The following MACF1 variants were observed in gnomAD, a reference collection of about 807,000 sequenced individuals.
MACF1 encodes the protein microtubule actin crosslinking factor 1.
A neutral mutation model predicts 854.8 loss-of-function variants in MACF1; 193 were observed. That is an observed-to-expected ratio of 0.23 (90% CI 0.20 to 0.25). MACF1 has a LOEUF of 0.25. Ranked by LOEUF, MACF1 falls within the 10% of genes least tolerant of loss-of-function variation. The pLI, the probability that MACF1 is intolerant of heterozygous loss-of-function variation, is 1.00. For missense variants in MACF1, 7,722 were observed against 8,929.1 expected (o/e 0.86, Z 5.45); for synonymous variants, 3,185 against 3,226.7 (o/e 0.99, Z 0.44).
intron 6 of MACF1, among the ~76,000 whole-genome samples, chr1:39,279,122 G>T (rs1645494627): frequency 6.6e-6 from 1 of 152,110 alleles, no homozygotes; most frequent in South Asian, 2.1e-4. Flanking sequence ...TGTAGGATGG[G>T]CTTATTAGCT....
chr1:39,422,083 A>C (rs191634306), intron 58 of MACF1, among the ~76,000 whole-genome samples: 3 of 152,150 alleles, frequency 2.0e-5, no homozygotes, highest in African/African-American at 7.2e-5. Context: ...TCCAAAAAAA[A>C]CAAAAAAAAA....
At chr1:39,129,280 G>C (rs1642936644) in intron 2 of MACF1, among the ~76,000 whole-genome samples, 1 of 152,174 alleles carries the variant, frequency 6.6e-6, no homozygotes, top group Non-Finnish European at 1.5e-5. Flanking sequence ...AAAAGAGATA[G>C]TAAGTGTAGG....
intron 2 of MACF1, among the ~76,000 whole-genome samples, chr1:39,099,756 A>G (rs985314534): frequency 1.3e-5 from 2 of 152,112 alleles, no homozygotes; most frequent in South Asian, 2.1e-4. Flanking sequence ...AACATCTACT[A>G]TGTGCAAAGT....
In MACF1 at chr1:39,433,136, A is replaced by ACTC. The variant is rs1394334698; in HGVS notation, c.17546_17547insCTC (p.Glu5849delinsAspSer). 6.2e-7 allele frequency: 1 copy of ACTC among 1,604,310 alleles called. No homozygotes were observed. Among genetic ancestry groups the ACTC allele is most frequent in the African/African-American group, 1.3e-5 (1 of 74,654 alleles). ...GAAATCTTTGGCACATGTGGGGAGG[A>ACTC]GCAAAAAACTGTATTACAGGTGAAT... On this transcript the variant is annotated protein_altering_variant, in exon 68 of 101. Transcript: ENST00000564288.
rs538610426 is a variant in MACF1 at position 39,240,561 on chromosome 1, C to T, written c.171+9318C>T. Among the ~76,000 whole-genome samples the T allele has an allele frequency of 2.0e-5, 3 of 152,288 alleles. No homozygotes were observed. The East Asian group carries it at 5.8e-4, about 29-fold the overall frequency. On this transcript the variant is annotated intron_variant, in intron 2 of 100. Coordinates refer to ENST00000564288, the MANE Select transcript of MACF1 (RefSeq NM_001394062.1). The stretch of plus-strand genomic sequence containing the variant: ...TTGCCCAGGCTGGCATGCAATGGTG[C>T]GATCTTGGCTCACTGCAGCCTCCGC...
intron 99 of MACF1, among the ~76,000 whole-genome samples, chr1:39,483,084 C>T (rs1645042935): frequency 1.6e-5 from 1 of 64,478 alleles, no homozygotes; most frequent in Non-Finnish European, 2.5e-5. Flanking sequence ...AAGACTCTGT[C>T]TCAAAAAAAA....
chr1:39,349,143 A>G (rs1378245805), intron 41 of MACF1, among the ~76,000 whole-genome samples: 8 of 152,158 alleles, frequency 5.3e-5, no homozygotes, highest in Admixed American at 5.2e-4. Context: ...TATTATCATC[A>G]CCATTATCAT....
intron 26 of MACF1, among the ~76,000 whole-genome samples, chr1:39,312,227 A>G (rs181855345): frequency 5.5e-4 from 84 of 152,328 alleles, no homozygotes; most frequent in African/African-American, 1.9e-3. Flanking sequence ...CTCAAGATAC[A>G]TATATACATA....
At chr1:39,477,609 G>A (rs891942880) in intron 97 of MACF1, among the ~76,000 whole-genome samples, 3 of 152,016 alleles carry the variant, frequency 2.0e-5, no homozygotes, top group Non-Finnish European at 4.4e-5. Context: ...GGATGGAAGC[G>A]TGAGTGGTCT....
chr1:39,336,351 A>G lies in MACF1; in HGVS notation c.9763A>G (p.Ile3255Val), dbSNP rs1313187211. 6.2e-7 allele frequency: 1 copy of G among 1,614,232 alleles called. No individual in the cohort carries two copies. The change falls in exon 37 of 101, where the codon ATT (isoleucine) becomes GTT (valine). Residue 3255 changes from isoleucine to valine, a missense_variant. Ile to Val is a conservative substitution (Grantham distance 29). Coordinates refer to ENST00000564288, the MANE Select transcript of MACF1 (RefSeq NM_001394062.1). ...TGTTGCAGGTCTAGAAGCAGGATCC[A>G]TTGAGGACATAGTGACTCAGAGAGG... ...PNVAGLEAGS[I>V]EDIVTQRGSR...
chr1:39,303,424 G>A (rs971913511), intron 23 of MACF1, among the ~76,000 whole-genome samples: 2 of 152,032 alleles, frequency 1.3e-5, no homozygotes, highest in Admixed American at 6.6e-5. Flanking sequence ...GGTGGTGCAC[G>A]CCTGTAGTCC....
At chr1:39,379,597 C>G (rs72661964) in intron 54 of MACF1, among the ~76,000 whole-genome samples, 153 bp downstream of exon 54, 1 of 152,132 alleles carries the variant, frequency 6.6e-6, no homozygotes, top group African/African-American at 2.4e-5. Context: ...GATTAATATG[C>G]CTTAACTCTC....
At chr1:39,233,019 GT>G (rs1314973581) in intron 2 of MACF1, among the ~76,000 whole-genome samples, 1 of 101,316 alleles carries the variant, frequency 9.9e-6, no homozygotes, top group Admixed American at 1.1e-4. Context: ...TGTTGTTGTT[GT>G]TGTTGTTGTT....
At chr1:39,434,740 T>A in intron 69 of MACF1, 108 bp downstream of exon 69, 1 of 869,388 alleles carries the variant, frequency 1.2e-6, no homozygotes, top group Non-Finnish European at 1.8e-6. Context: ...GTTACGAAGT[T>A]AATTCTTAAT....
intron 2 of MACF1, among the ~76,000 whole-genome samples, chr1:39,107,010 C>T (rs1642261305): frequency 1.3e-5 from 2 of 152,116 alleles, no homozygotes; most frequent in Admixed American, 1.3e-4. Flanking sequence ...TGGTTCATTT[C>T]AGAGCACAAA....
intron 58 of MACF1, chr1:39,410,560 T>A (rs763612214): frequency 2.5e-6 from 4 of 1,613,964 alleles, no homozygotes; most frequent in Non-Finnish European, 3.4e-6. Context: ...GAGGATAATA[T>A]TTGATGCACT....
At position 39,225,248 on chromosome 1, in the gene MACF1, C is replaced by T. The variant is rs1427303027; in HGVS notation, c.110-5934C>T. Among the ~76,000 whole-genome samples the T allele has an allele frequency of 2.5e-3, 333 of 133,992 alleles. 4 individuals are homozygous for T. Among genetic ancestry groups the T allele is most frequent in the African/African-American group, 8.9e-3 (316 of 35,492 alleles). 87.9% of individuals were successfully genotyped at this position (133,992 alleles called of 152,430 possible). A position where few individuals can be genotyped will look rare whatever the true frequency, so the allele number is the denominator to read the frequency against. Reference sequence around the variant, plus strand: ...TTTTTGAGACGGAGTCTCGCTCTGTCGCCCAGGCCGGACTGCGGACTGCAG... The same window carrying T: ...TTTTTGAGACGGAGTCTCGCTCTGTTGCCCAGGCCGGACTGCGGACTGCAG... On this transcript the variant is annotated intron_variant, in intron 1 of 100. Coordinates refer to ENST00000564288, the MANE Select transcript of MACF1 (RefSeq NM_001394062.1).
rs564926787 is a variant in MACF1 at position 39,329,225 on chromosome 1, C to CT, written c.4614+1873dup. ...AATACTTTAAATAGTGTAGAGAAGT[C>CT]TGTCAGTTATTCCATTGATTGAACA... On this transcript the variant is annotated intron_variant, in intron 36 of 100. Coordinates refer to ENST00000564288, the MANE Select transcript of MACF1 (RefSeq NM_001394062.1). 1.6e-3 allele frequency among the ~76,000 whole-genome samples: 237 copies of CT among 152,214 alleles called. 1 individual carries two copies. Among genetic ancestry groups the CT allele is most frequent in the Non-Finnish European group, 2.8e-3 (190 of 68,016 alleles).
chr1:39,399,909 A>G (rs1388578080), intron 58 of MACF1, among the ~76,000 whole-genome samples: 1 of 152,158 alleles, frequency 6.6e-6, no homozygotes, highest in Non-Finnish European at 1.5e-5. Context: ...AACATTCTTT[A>G]TTTCTCATAA....
Sources: allele counts gnomAD v4.1 joint callset (sites outside exome capture counted in the v4.1 genomes callset), GRCh38; gene constraint gnomAD v4.1.1; transcripts MANE v1.5; gene names NCBI Gene and HGNC (gene_info 2026-07-23, HGNC 2026-07-21).